RAD51B: variants seen among roughly 807,000 people sequenced by gnomAD.
RAD51B encodes the protein RAD51 paralog B, also known as DNA repair protein RAD51 homolog 2.
RAD51B carries 38 observed loss-of-function variants against 42.2 expected under a neutral mutation model. That is an observed-to-expected ratio of 0.90 (90% CI 0.70 to 1.18). The LOEUF (loss-of-function observed/expected upper bound fraction) is 1.18, where lower values mean the gene tolerates loss of function less well. Ranked by LOEUF, RAD51B falls within the 50% of genes most tolerant of loss-of-function variation. The pLI is 0.00. For synonymous variants in RAD51B, 154 were observed against 145.2 expected (o/e 1.06, Z -0.43); for missense variants, 373 against 400.7 (o/e 0.93, Z 0.59).
chr14:68,030,753 A>G (rs1481760735), intron 7 of RAD51B, among the ~76,000 whole-genome samples: 2 of 152,234 alleles, frequency 1.3e-5, no homozygotes, highest in African/African-American at 2.4e-5. Context: ...TGTTTGGTGC[A>G]GGAAGCCTAG....
intron 8 of RAD51B, among the ~76,000 whole-genome samples, chr14:68,346,108 T>C (rs375633777): frequency 8.5e-5 from 13 of 152,242 alleles, no homozygotes; most frequent in African/African-American, 3.1e-4. Flanking sequence ...AGAGAATAGA[T>C]TAAAATATAA....
intron 8 of RAD51B, among the ~76,000 whole-genome samples, chr14:68,380,126 A>G (rs2083451706): frequency 6.6e-6 from 1 of 152,212 alleles, no homozygotes; most frequent in African/African-American, 2.4e-5. Flanking sequence ...TTCTCAAAGC[A>G]TCCGGGTTCT....
intron 7 of RAD51B, among the ~76,000 whole-genome samples, chr14:67,992,026 C>CA (rs549307705): frequency 6.6e-6 from 1 of 152,052 alleles, no homozygotes. Context: ...ATGTTTCTTT[C>CA]AAAAAAATGC....
In RAD51B at chr14:67,927,234, A is replaced by G. The variant is rs1051231178; in HGVS notation, c.756+40030A>G. Among the ~76,000 whole-genome samples the G allele has an allele frequency of 9.2e-5, 14 of 152,078 alleles. 1 individual carries two copies. Among genetic ancestry groups the G allele is most frequent in the Non-Finnish European group, 2.9e-5 (2 of 68,012 alleles). ...ATTTGTTTTTTTCTCTTTAATTGTC[A>G]TATTTTATATATTTATGGGGTTCAT... On this transcript the variant is annotated intron_variant, in intron 7 of 10. Coordinates refer to ENST00000471583, the MANE Select transcript of RAD51B (RefSeq NM_133510.4).
chr14:68,534,801 C>A (rs1887519767), intron 10 of RAD51B, among the ~76,000 whole-genome samples: 1 of 151,392 alleles, frequency 6.6e-6, no homozygotes, highest in Non-Finnish European at 1.5e-5. Flanking sequence ...CTATTTTGTT[C>A]ATTGATCTGT....
intron 8 of RAD51B, among the ~76,000 whole-genome samples, chr14:68,394,323 G>T (rs1002104986): frequency 6.6e-6 from 1 of 152,192 alleles, no homozygotes; most frequent in African/African-American, 2.4e-5. Context: ...CTGGCCAGAG[G>T]TTCCTGTATT....
chr14:68,300,722 C>T (rs556394929), intron 8 of RAD51B, among the ~76,000 whole-genome samples: 3 of 152,240 alleles, frequency 2.0e-5, no homozygotes, highest in South Asian at 2.1e-4. Context: ...ATCCAGAATC[C>T]ACTCGCTACT....
chr14:68,578,449 T>A (rs533958102), intron 10 of RAD51B, among the ~76,000 whole-genome samples: 1 of 152,138 alleles, frequency 6.6e-6, no homozygotes, highest in Non-Finnish European at 1.5e-5. Context: ...AGAAAGTAAT[T>A]TCCCCGCCAT....
At chr14:68,648,694 C>G (rs996318568) in intron 10 of RAD51B, among the ~76,000 whole-genome samples, 1 of 151,530 alleles carries the variant, frequency 6.6e-6, no homozygotes, top group Non-Finnish European at 1.5e-5. Context: ...CACACACACA[C>G]ACACACACAC....
chr14:68,145,482 C>T (rs551242367), intron 7 of RAD51B, among the ~76,000 whole-genome samples: 15 of 152,190 alleles, frequency 9.9e-5, no homozygotes, highest in African/African-American at 3.6e-4. Context: ...AATTATATAA[C>T]CTACATTAAA....
chr14:68,012,553 T>C (rs1248774392), intron 7 of RAD51B, among the ~76,000 whole-genome samples: 1 of 152,178 alleles, frequency 6.6e-6, no homozygotes, highest in East Asian at 1.9e-4. Context: ...TAGTAATAGT[T>C]TACTACCAGC....
At chr14:67,956,622 G>A (rs1177496777) in intron 7 of RAD51B, among the ~76,000 whole-genome samples, 1 of 152,126 alleles carries the variant, frequency 6.6e-6, no homozygotes, top group Non-Finnish European at 1.5e-5. Context: ...TAGGAAATTT[G>A]AATTATTTCA....
chr14:67,986,184 C>T (rs1433127542), intron 7 of RAD51B, among the ~76,000 whole-genome samples: 3 of 152,174 alleles, frequency 2.0e-5, no homozygotes. Context: ...TTTTATTCCC[C>T]ACACTTCTAT....
chr14:68,156,076 TAAAC>T (rs2078498235), intron 7 of RAD51B, among the ~76,000 whole-genome samples: 1 of 152,240 alleles, frequency 6.6e-6, no homozygotes, highest in Non-Finnish European at 1.5e-5. Flanking sequence ...ATAGAACAAT[TAAAC>T]AGACTGTAAA....
At chr14:68,001,517 G>A (rs1362970057) in intron 7 of RAD51B, among the ~76,000 whole-genome samples, 1 of 152,082 alleles carries the variant, frequency 6.6e-6, no homozygotes, top group Non-Finnish European at 1.5e-5. Context: ...AGGTAATGGA[G>A]TTTATTTATT....
At chr14:68,003,693 T>C (rs139269298) in intron 7 of RAD51B, among the ~76,000 whole-genome samples, 14 of 152,332 alleles carry the variant, frequency 9.2e-5, no homozygotes, top group African/African-American at 2.9e-4. Context: ...GGTATGTTTC[T>C]TCAATACCTA....
Position 67,887,047 on chromosome 14 carries a change from T to C in RAD51B, c.599T>C (p.Ile200Thr), listed in dbSNP as rs762382499. Residue 200 changes from isoleucine to threonine, a missense_variant, in exon 7 of 11, where the codon ATC (isoleucine) becomes ACC (threonine). By Grantham distance (89) the Ile-to-Thr change is moderately conservative. Transcript: ENST00000471583. ...ATTGAATCTTTGGAAGAAGAAATTA[T>C]CTCAAAAGGAATTAAACTTGTGATT... Reference protein sequence around the residue: ...QRIESLEEEIISKGIKLVILD... With the variant: ...QRIESLEEEITSKGIKLVILD... 6 of 1,529,272 alleles carry C rather than the reference T, an allele frequency of 3.9e-6. No individual in the cohort carries two copies. Among genetic ancestry groups the C allele is most frequent in the Non-Finnish European group, 5.3e-6 (6 of 1,122,094 alleles). The allele number at this position is 1,529,272 out of a possible 1,614,324, so 94.7% of individuals were successfully genotyped here.
intron 7 of RAD51B, among the ~76,000 whole-genome samples, chr14:68,282,068 A>G (rs1595655821): frequency 6.8e-6 from 1 of 148,064 alleles, no homozygotes. Flanking sequence ...TGTAACCTCC[A>G]CCTCCTGGGT....
intron 10 of RAD51B, among the ~76,000 whole-genome samples, chr14:68,494,503 C>T (rs1337525574): frequency 3.3e-5 from 5 of 152,134 alleles, no homozygotes; most frequent in African/African-American, 4.8e-5. Context: ...ACAAGGCTAT[C>T]TCTGAAAGAC....
Sources: allele counts gnomAD v4.1 joint callset (sites outside exome capture counted in the v4.1 genomes callset), GRCh38; gene constraint gnomAD v4.1.1; transcripts MANE v1.5; gene names NCBI Gene and HGNC (gene_info 2026-07-23, HGNC 2026-07-21).